Variants in BCL7A observed in about 807,000 individuals in gnomAD.
The protein encoded by BCL7A is BAF chromatin remodeling complex subunit BCL7A, also known as B-cell CLL/lymphoma 7 protein family member A.
Under a neutral mutation model 28.4 loss-of-function variants are expected in BCL7A, and 11 were observed. The observed-to-expected ratio is 0.39, with a 90% CI of 0.24 to 0.64. The LOEUF (loss-of-function observed/expected upper bound fraction) is 0.64. BCL7A is among the 30% of genes least tolerant of loss of function. BCL7A has a pLI of 0.50. For synonymous variants in BCL7A, 123 were observed against 103.3 expected (o/e 1.19, Z -1.15); for missense variants, 222 against 274.8 (o/e 0.81, Z 1.36).
At chr12:122,056,926 C>T (rs780435830) in intron 5 of BCL7A, among the ~76,000 whole-genome samples, 1 of 152,218 alleles carries the variant, frequency 6.6e-6, no homozygotes, top group Non-Finnish European at 1.5e-5. Context: ...GCAAGTCCAT[C>T]GCATGTCCTA....
chr12:122,034,487 G>A (rs1447168829), intron 2 of BCL7A, among the ~76,000 whole-genome samples: 1 of 150,236 alleles, frequency 6.7e-6, no homozygotes, highest in Non-Finnish European at 1.5e-5. Context: ...TGTAATCCCA[G>A]GACTTTGGGA....
chr12:122,052,194 T>A (rs968254540), intron 4 of BCL7A, among the ~76,000 whole-genome samples: 32 of 149,788 alleles, frequency 2.1e-4, no homozygotes, highest in East Asian at 1.2e-3. Context: ...CCCTCTCTTT[T>A]AAAAAAAAAA....
At chr12:122,056,731 G>A (rs1413225034) in intron 5 of BCL7A, among the ~76,000 whole-genome samples, 1 of 152,122 alleles carries the variant, frequency 6.6e-6, no homozygotes, top group Admixed American at 6.6e-5. Context: ...GCTTGAGCCT[G>A]AGAGTTCAAG....
chr12:122,051,866 CT>C (rs34244407), intron 4 of BCL7A, among the ~76,000 whole-genome samples: 914 of 80,270 alleles, frequency 0.011, 1 homozygote, highest in Non-Finnish European at 0.015. Context: ...CTCTCTCTCT[CT>C]TTTTTTTTTT....
rs1250349453 is a variant in BCL7A at position 122,029,309 on chromosome 12, G to T, written c.93-1391G>T. Among the ~76,000 whole-genome samples, 1 of 152,116 alleles carries T rather than the reference G, an allele frequency of 6.6e-6. No individual in the cohort carries two copies. The highest frequency in any genetic ancestry group is 1.9e-4 in the East Asian group (1 of 5,178). Reference sequence around the variant, plus strand: ...AGCGGGCAGGGTTTTTGGGGGTGAGGTGTCTGTGGTTTCGGCTGGCTGGGT... The same window carrying T: ...AGCGGGCAGGGTTTTTGGGGGTGAGTTGTCTGTGGTTTCGGCTGGCTGGGT... On this transcript the variant is annotated intron_variant, in intron 1 of 5. Transcript: ENST00000261822. This position sits in a 1 kb window ranked among gnomAD's most constrained non-coding sequence, Gnocchi z 4.3.
At chr12:122,035,812 A>C (rs1883838686) in intron 3 of BCL7A, among the ~76,000 whole-genome samples, 1 of 152,090 alleles carries the variant, frequency 6.6e-6, no homozygotes, top group Admixed American at 6.6e-5. Context: ...GCTGCTGGGA[A>C]TCTCCAAACT....
Position 122,022,022 on chromosome 12 carries a change from TGTGGCCGCCGCGGAGCGCGAGC to T in BCL7A, c.-69_-48del, listed in dbSNP as rs1883470414. 5.1e-6 allele frequency: 7 copies of T among 1,370,642 alleles called. No homozygotes were observed. Among genetic ancestry groups the T allele is most frequent in the South Asian group, 2.6e-5 (2 of 78,130 alleles). 84.9% of individuals were successfully genotyped at this position (1,370,642 alleles called of 1,614,324 possible). ...TGAGTGAGCGGCGGGCGGGCGCGAG[TGTGGCCGCCGCGGAGCGCGAGC>T]AGGACCCGGCGGGCGCGCTCCCCAG... is the stretch of plus-strand genomic sequence containing the variant. On this transcript the variant is annotated 5_prime_UTR_variant, in exon 1 of 6. Transcript: ENST00000261822.
At position 122,042,484 on chromosome 12, in the gene BCL7A, T is replaced by A. The variant is rs114030710; in HGVS notation, c.272-1402T>A. ...AGGCTGGCCAACATGGAGAAACCCGTCTCTACTAAAAAATACAAAACTCAG... is the reference window on the plus strand; with the variant it reads ...AGGCTGGCCAACATGGAGAAACCCGACTCTACTAAAAAATACAAAACTCAG... On this transcript the variant is annotated intron_variant, in intron 3 of 5. Transcript: ENST00000261822. Among the ~76,000 whole-genome samples the A allele has an allele frequency of 5.9e-3, 894 of 151,768 alleles. 11 individuals are homozygous for A. Among genetic ancestry groups the A allele is most frequent in the African/African-American group, 0.02 (842 of 41,360 alleles).
At chr12:122,028,137 T>C (rs1041838875) in intron 1 of BCL7A, among the ~76,000 whole-genome samples, 9 of 152,210 alleles carry the variant, frequency 5.9e-5, no homozygotes, top group Non-Finnish European at 1.5e-5. Flanking sequence ...GAATTCTTAA[T>C]GTTCTTGCCT....
intron 2 of BCL7A, among the ~76,000 whole-genome samples, chr12:122,031,016 GTCTTCTTCTTCT>G (rs113429275): frequency 1.3e-5 from 2 of 151,590 alleles, no homozygotes; most frequent in Non-Finnish European, 2.9e-5. Flanking sequence ...CGCAAGCTGT[GTCTTCTTCTTCT>G]TCTTCTTCTT....
At chr12:122,033,946 C>T (rs776343480) in intron 2 of BCL7A, among the ~76,000 whole-genome samples, 10 of 151,962 alleles carry the variant, frequency 6.6e-5, no homozygotes, top group Non-Finnish European at 1.2e-4. Context: ...GTGTATCTTC[C>T]GATGTTACTC....
At chr12:122,058,357 T>C (rs1951893297) in intron 5 of BCL7A, among the ~76,000 whole-genome samples, 2 of 151,302 alleles carry the variant, frequency 1.3e-5, no homozygotes, top group African/African-American at 4.9e-5. Context: ...ACCCTGTCTC[T>C]ACCAAAAATA....
intron 1 of BCL7A, among the ~76,000 whole-genome samples, chr12:122,027,041 G>A (rs1375359323): frequency 6.6e-6 from 1 of 152,198 alleles, no homozygotes; most frequent in Non-Finnish European, 1.5e-5. Context: ...TGACGGGGCC[G>A]CCAAGACAGG....
intron 1 of BCL7A, among the ~76,000 whole-genome samples, chr12:122,028,935 G>A (rs1861746756): frequency 6.6e-6 from 1 of 152,164 alleles, no homozygotes. Flanking sequence ...GGGGAAAGGT[G>A]GGCATTGTGG....
In BCL7A at chr12:122,059,045, C is replaced by A; in HGVS notation, c.562-47C>A. 1 of 1,518,350 alleles carries A rather than the reference C, an allele frequency of 6.6e-7. No individual in the cohort carries two copies. The highest frequency in any genetic ancestry group is 9.1e-7 in the Non-Finnish European group (1 of 1,093,360). The allele number at this position is 1,518,350 out of a possible 1,614,324, so 94.1% of individuals were successfully genotyped here. The stretch of plus-strand genomic sequence containing the variant: ...TCGGCCTCACGCCTGGCCTAACTTG[C>A]TCTCCTGGCCCATTAACCTGTGTTC... On this transcript the variant is annotated intron_variant, in intron 5 of 5. Coordinates refer to ENST00000261822, the MANE Select transcript of BCL7A (RefSeq NM_001024808.3). The surrounding 1 kb of genome is among the most constrained non-coding windows in gnomAD (Gnocchi z 4.0).
At chr12:122,025,385 G>A (rs1883600916) in intron 1 of BCL7A, among the ~76,000 whole-genome samples, 1 of 152,174 alleles carries the variant, frequency 6.6e-6, no homozygotes, top group Non-Finnish European at 1.5e-5. Flanking sequence ...CAGCACTCTG[G>A]GAGGCCGGGC....
At chr12:122,025,721 A>G (rs1194488393) in intron 1 of BCL7A, among the ~76,000 whole-genome samples, 1 of 150,726 alleles carries the variant, frequency 6.6e-6, no homozygotes, top group African/African-American at 2.4e-5. Flanking sequence ...CGAGGCAGGC[A>G]GGTCACCTGA....
Position 122,055,194 on chromosome 12 carries a change from C to G in BCL7A, c.561+268C>G, listed in dbSNP as rs186690669. Reference sequence around the variant, plus strand: ...GATGAAGGGACCTTGAACCCAGCCTCGGCTGCTACGTTTTGTCTGTTCAGG... The same window carrying G: ...GATGAAGGGACCTTGAACCCAGCCTGGGCTGCTACGTTTTGTCTGTTCAGG... On this transcript the variant is annotated intron_variant, in intron 5 of 5. Coordinates refer to ENST00000261822, the MANE Select transcript of BCL7A (RefSeq NM_001024808.3). 2.0e-5 allele frequency among the ~76,000 whole-genome samples: 3 copies of G among 152,322 alleles called. No homozygotes were observed. In the South Asian group the frequency reaches 6.2e-4, roughly 32 times the overall value.
intron 1 of BCL7A, among the ~76,000 whole-genome samples, chr12:122,025,825 T>A (rs1179173217): frequency 2.0e-5 from 3 of 149,668 alleles, no homozygotes; most frequent in African/African-American, 7.4e-5. Context: ...TACACGCCTG[T>A]AATCCCAGCT....
Sources: gnomAD v4.1 joint callset for allele counts (sites outside exome capture counted in the v4.1 genomes callset) on GRCh38, gnomAD v4.1.1 for gene constraint, Gnocchi (gnomAD v3.1) non-coding constraint, MANE v1.5 for transcripts, NCBI Gene and HGNC (gene_info 2026-07-23, HGNC 2026-07-21) for gene names.